Variants in GYS2 observed in about 807,000 individuals in gnomAD.
GYS2 encodes glycogen synthase 2.
A neutral mutation model predicts 85.6 loss-of-function variants in GYS2; 80 were observed. The ratio of observed to expected loss-of-function variants is 0.93; its 90% CI spans 0.78 to 1.13. The LOEUF is 1.13. Ranked by LOEUF, GYS2 falls within the 50% of genes most tolerant of loss-of-function variation. GYS2 has a pLI of 0.00. For missense variants in GYS2, 881 were observed against 854.9 expected, an observed-to-expected ratio of 1.03 and a Z score of -0.38; for synonymous variants, 328 against 300.7, an observed-to-expected ratio of 1.09 and a Z score of -0.94.
chr12:21,576,105 A>G (rs1486853560), intron 2 of GYS2, 48 bp from the exon 3 acceptor site: 1 of 1,450,070 alleles, frequency 6.9e-7, no homozygotes, highest in South Asian at 1.1e-5. Context: ...GTCATGCAAG[A>G]CAGGACAATG....
intron 3 of GYS2, among the ~76,000 whole-genome samples, chr12:21,575,643 T>C (rs1281001851): frequency 5.9e-5 from 9 of 152,164 alleles, no homozygotes; most frequent in Non-Finnish European, 1.2e-4. Flanking sequence ...CATCATGCCA[T>C]TTAAATTTGA....
intron 4 of GYS2, 94 bp downstream of exon 4, chr12:21,574,050 G>T (rs1216602671): frequency 3.0e-6 from 3 of 991,826 alleles, no homozygotes; most frequent in African/African-American, 3.2e-5. Context: ...CTGCCATCTG[G>T]TTGGCAGATG....
At chr12:21,563,433 T>C in intron 5 of GYS2, 88 bp from the exon 6 acceptor site, 1 of 761,442 alleles carries the variant, frequency 1.3e-6, no homozygotes, top group Non-Finnish European at 2.4e-6. Context: ...ACTATAAAGT[T>C]AGATGTTTAT....
intron 1 of GYS2, among the ~76,000 whole-genome samples, chr12:21,591,923 C>A (rs1252696951): frequency 6.6e-6 from 1 of 152,044 alleles, no homozygotes; most frequent in African/African-American, 2.4e-5. Context: ...TAAATAAAAT[C>A]TTTTCTGGGC....
intron 1 of GYS2, among the ~76,000 whole-genome samples, chr12:21,603,269 A>G (rs1944773245): frequency 6.6e-6 from 1 of 152,138 alleles, no homozygotes; most frequent in Admixed American, 6.5e-5. Context: ...TCACTAAACT[A>G]CAGAGAATAA....
At position 21,538,145 on chromosome 12, in the gene GYS2, T is replaced by C. The variant is rs191981293; in HGVS notation, c.1891-970A>G. Among the ~76,000 whole-genome samples, 6 of 152,304 alleles carry C rather than the reference T, an allele frequency of 3.9e-5. No homozygotes were observed. The East Asian group carries it at 1.2e-3, about 29-fold the overall frequency. ...ATTGCTGAATTATCATTAAGTGGAA[T>C]GACCACCTCTGAATAAGCTAAGCAA... On this transcript the variant is annotated intron_variant, in intron 15 of 15. Coordinates refer to ENST00000261195, the MANE Select transcript of GYS2 (RefSeq NM_021957.4).
At chr12:21,551,294 T>C (rs1381913780) in intron 11 of GYS2, among the ~76,000 whole-genome samples, 1 of 151,844 alleles carries the variant, frequency 6.6e-6, no homozygotes, top group Admixed American at 6.6e-5. Context: ...AAGTATGCAT[T>C]CTTCAGAAGA....
chr12:21,576,907 G>A (rs1374827703), intron 2 of GYS2, among the ~76,000 whole-genome samples: 1 of 151,942 alleles, frequency 6.6e-6, no homozygotes, highest in Admixed American at 6.6e-5. Context: ...ACCCTTTCTG[G>A]AACTCAGCAG....
Position 21,549,318 on chromosome 12 carries a change from G to A in GYS2, c.1423-2848C>T, listed in dbSNP as rs140090052. The stretch of plus-strand genomic sequence containing the variant: ...AAGTACTGGGAATCCCACATTTACA[G>A]AAAGTTCCAAGTACAATATGAAGAG... On this transcript the variant is annotated intron_variant, in intron 11 of 15. Coordinates refer to ENST00000261195, the MANE Select transcript of GYS2 (RefSeq NM_021957.4). Among the ~76,000 whole-genome samples the A allele has an allele frequency of 9.2e-4, 140 of 152,270 alleles. 3 individuals are homozygous for A. In the East Asian group the frequency reaches 0.024, roughly 26 times the overall value.
chr12:21,580,207 T>C (rs1944493159), intron 2 of GYS2, 135 bp downstream of exon 2: 14 of 816,318 alleles, frequency 1.7e-5, no homozygotes, highest in Non-Finnish European at 2.7e-5. Flanking sequence ...TAAAAGCAAG[T>C]TCATCATCTT....
chr12:21,595,304 C>T lies in GYS2; in HGVS notation c.121+9168G>A, dbSNP rs187423407. ...GACCCTCTGAAGGAAGTAGATTGCT[C>T]CTGCAGGACCCAGGAGACACCCCAA... is the stretch of plus-strand genomic sequence containing the variant. On this transcript the variant is annotated intron_variant, in intron 1 of 15. Coordinates refer to ENST00000261195, the MANE Select transcript of GYS2 (RefSeq NM_021957.4). 2.0e-4 allele frequency among the ~76,000 whole-genome samples: 30 copies of T among 152,226 alleles called. No individual in the cohort carries two copies. In the East Asian group the frequency reaches 5.0e-3, roughly 26 times the overall value.
intron 1 of GYS2, among the ~76,000 whole-genome samples, chr12:21,591,086 A>T (rs546103565): frequency 6.6e-6 from 1 of 152,294 alleles, no homozygotes; most frequent in Admixed American, 6.5e-5. Flanking sequence ...AAAGGTGAAG[A>T]AATATGACAC....
chr12:21,545,892 T>C (rs1944032602), intron 12 of GYS2, among the ~76,000 whole-genome samples: 1 of 152,208 alleles, frequency 6.6e-6, no homozygotes, highest in Non-Finnish European at 1.5e-5. Context: ...TGTTACCCAT[T>C]ACATATTAAA....
At chr12:21,598,307 G>A (rs1229379504) in intron 1 of GYS2, among the ~76,000 whole-genome samples, 1 of 152,030 alleles carries the variant, frequency 6.6e-6, no homozygotes, top group Non-Finnish European at 1.5e-5. Context: ...AATGTCACAT[G>A]TACCTGATAC....
intron 1 of GYS2, among the ~76,000 whole-genome samples, chr12:21,588,122 G>A (rs904521079): frequency 1.3e-5 from 2 of 152,192 alleles, no homozygotes; most frequent in African/African-American, 4.8e-5. Context: ...TGAAATCCTG[G>A]AGGTAATAAG....
rs1943958192 is a variant in GYS2, at chr12:21,540,400, A to C, written c.1809+10T>G. 1 of 1,612,484 alleles carries C rather than the reference A, an allele frequency of 6.2e-7. No homozygotes were observed. Among genetic ancestry groups the C allele is most frequent in the Admixed American group, 1.7e-5 (1 of 59,990 alleles). ...TAAGTGGTCTGCTGTGTTTATCTAA[A>C]CTTGCTTACTCTGCCTAAGTATCTC... is the stretch of plus-strand genomic sequence containing the variant. On this transcript the variant is annotated intron_variant, in intron 14 of 15. Coordinates refer to ENST00000261195, the MANE Select transcript of GYS2 (RefSeq NM_021957.4).
chr12:21,582,750 G>A (rs1159562787), intron 1 of GYS2, among the ~76,000 whole-genome samples: 2 of 152,090 alleles, frequency 1.3e-5, no homozygotes, highest in African/African-American at 4.8e-5. Context: ...TGGTTTTGGG[G>A]TTTCTGGAGT....
intron 14 of GYS2, 124 bp downstream of exon 14, chr12:21,540,286 G>A: frequency 3.4e-6 from 3 of 884,608 alleles, no homozygotes; most frequent in Non-Finnish European, 5.5e-6. Flanking sequence ...AAAGTACATG[G>A]AGACACTGAG....
At chr12:21,548,882 A>G (rs1944073547) in intron 11 of GYS2, among the ~76,000 whole-genome samples, 1 of 151,422 alleles carries the variant, frequency 6.6e-6, no homozygotes, top group Non-Finnish European at 1.5e-5. Context: ...ATTTCCTACT[A>G]TTTTCTCTTA....
Sources: allele counts gnomAD v4.1 joint callset (sites outside exome capture counted in the v4.1 genomes callset), GRCh38; gene constraint gnomAD v4.1.1; transcripts MANE v1.5; gene names NCBI Gene and HGNC (gene_info 2026-07-23, HGNC 2026-07-21).